ADGRF5: variants seen among roughly 807,000 people sequenced by gnomAD.
ADGRF5 encodes adhesion G protein-coupled receptor F5, also known as G-protein coupled receptor 116.
A neutral mutation model predicts 132.3 loss-of-function variants in ADGRF5; 75 were observed. The observed-to-expected ratio is 0.57, with a 90% confidence interval of 0.47 to 0.69. ADGRF5 has a LOEUF of 0.69. Among genes scored for constraint, ADGRF5 ranks in the 30% least tolerant of loss-of-function variants. The pLI is 0.00. For missense variants in ADGRF5, 1,516 were observed against 1,630.6 expected (o/e 0.93, Z 1.21); for synonymous variants, 629 against 597.6 (o/e 1.05, Z -0.77).
At chr6:46,883,172 C>T (rs1000470671) in intron 6 of ADGRF5, among the ~76,000 whole-genome samples, 1 of 152,168 alleles carries the variant, frequency 6.6e-6, no homozygotes, top group Non-Finnish European at 1.5e-5. Context: ...TTGAGACCCT[C>T]TGTGCTCAGC....
intron 4 of ADGRF5, among the ~76,000 whole-genome samples, chr6:46,887,338 T>G (rs926805750): frequency 6.6e-6 from 1 of 152,186 alleles, no homozygotes; most frequent in Non-Finnish European, 1.5e-5. Context: ...TCTTATGTAT[T>G]TTCCAAAGTA....
intron 3 of ADGRF5, among the ~76,000 whole-genome samples, chr6:46,894,967 A>T (rs1774018801): frequency 6.6e-6 from 1 of 152,214 alleles, no homozygotes. Flanking sequence ...TCATGAGGTC[A>T]GGAGATGGAG....
chr6:46,858,233 G>A lies in ADGRF5; in HGVS notation c.3670C>T (p.Leu1224Phe). The A allele has an allele frequency of 1.2e-6, 2 of 1,614,066 alleles. No individual in the cohort carries two copies. The highest frequency in any genetic ancestry group is 1.7e-6 in the Non-Finnish European group (2 of 1,179,984). The change falls in exon 17 of 21, where the codon CTC (leucine) becomes TTC (phenylalanine). Residue 1224 changes from leucine to phenylalanine, a missense_variant. This residue lies in a region of ADGRF5 where 571 missense variants were observed against 701.2 expected (regional missense o/e 0.81). Transcript: ENST00000283296. ...CAAGTGAGGCCCAAGAGTGGTGTGAGGACCCCAATGCTCTTGCTGATCTGA... is the reference window on the plus strand; with the variant it reads ...CAAGTGAGGCCCAAGAGTGGTGTGAAGACCCCAATGCTCTTGCTGATCTGA... Reference protein sequence around the residue: ...LFQISKSIGVLTPLLGLTWGF... With the variant: ...LFQISKSIGVFTPLLGLTWGF...
chr6:46,909,253 G>A (rs1775693657), intron 1 of ADGRF5, among the ~76,000 whole-genome samples: 1 of 152,156 alleles, frequency 6.6e-6, no homozygotes, highest in Admixed American at 6.5e-5. Context: ...AAAATTCCTG[G>A]AGTAAACGGC....
At chr6:46,883,057 G>A (rs917861098) in intron 6 of ADGRF5, among the ~76,000 whole-genome samples, 1 of 152,206 alleles carries the variant, frequency 6.6e-6, no homozygotes, top group African/African-American at 2.4e-5. Flanking sequence ...ACTCAAGACA[G>A]GGCTGACAAA....
rs1202820628 is a variant in ADGRF5, at chr6:46,937,247, TGTGTGA to T, written c.-25+17481_-25+17486del. Among the ~76,000 whole-genome samples, 10 of 151,904 alleles carry T rather than the reference TGTGTGA, an allele frequency of 6.6e-5. No homozygotes were observed. The South Asian group carries it at 1.7e-3, about 25-fold the overall frequency. ...GTGTGTGTGTGTGTGTGTGTGTGTG[TGTGTGA>T]GTGTGTGTGTGTTGATGGGGTGGCA... is the stretch of plus-strand genomic sequence containing the variant. On this transcript the variant is annotated intron_variant, in intron 1 of 20. Coordinates refer to the ADGRF5 transcript ENST00000265417.
At chr6:46,889,459 G>A (rs945780290) in intron 3 of ADGRF5, among the ~76,000 whole-genome samples, 20 of 145,364 alleles carry the variant, frequency 1.4e-4, no homozygotes, top group Non-Finnish European at 2.7e-4. Flanking sequence ...ATATACTAAA[G>A]TCTATATATA....
At chr6:46,872,083 T>A (rs2150813677) in intron 10 of ADGRF5, 70 bp from the exon 11 acceptor site, 1 of 1,105,518 alleles carries the variant, frequency 9.0e-7, no homozygotes, top group East Asian at 2.4e-5. Flanking sequence ...AGAGGTCAAA[T>A]CATTTTTTTT....
chr6:46,903,204 A>G (rs1774950149), intron 2 of ADGRF5, among the ~76,000 whole-genome samples: 1 of 152,044 alleles, frequency 6.6e-6, no homozygotes, highest in Non-Finnish European at 1.5e-5. Context: ...TGCTGGGTAG[A>G]TCTCACAAGG....
At chr6:46,869,196 A>G (rs201423021) in intron 11 of ADGRF5, 104 bp from the exon 12 acceptor site, 1 of 1,514,338 alleles carries the variant, frequency 6.6e-7, no homozygotes. Flanking sequence ...GAGGGACAGA[A>G]AAAAAAAATG....
Position 46,858,717 on chromosome 6 carries a change from C to G in ADGRF5, c.3186G>C (p.Leu1062=). 6.2e-7 allele frequency: 1 copy of G among 1,614,090 alleles called. No individual in the cohort carries two copies. The highest frequency in any genetic ancestry group is 8.5e-7 in the Non-Finnish European group (1 of 1,180,022). Residue 1062 remains leucine, a synonymous_variant, in exon 17 of 21, where the codon CTG becomes CTC. Coordinates refer to ENST00000283296, the MANE Select transcript of ADGRF5 (RefSeq NM_001098518.2). ...CCACAATGAACCAGGTGTTGGCGAC[C>G]AGAAGGGAGGCAGCGATATTCACTA... The part of the protein sequence containing the change: ...TCIVNIAASL[L]VANTWFIVVA...
chr6:46,865,689 C>T (rs968483964), intron 13 of ADGRF5, among the ~76,000 whole-genome samples: 3 of 152,230 alleles, frequency 2.0e-5, no homozygotes, highest in Non-Finnish European at 4.4e-5. Context: ...TGTTGAAATG[C>T]TGCATATGTC....
At chr6:46,862,702 G>GTTTTTTTTTT (rs1562148328) in intron 15 of ADGRF5, among the ~76,000 whole-genome samples, 186 bp downstream of exon 15, 5 of 34,378 alleles carry the variant, frequency 1.5e-4, no homozygotes, top group African/African-American at 3.2e-4. Flanking sequence ...TTGAATTGAG[G>GTTTTTTTTTT]CTTTTTTTTT....
At chr6:46,948,028 T>G (rs968402196) in intron 1 of ADGRF5, among the ~76,000 whole-genome samples, 11 of 152,118 alleles carry the variant, frequency 7.2e-5, no homozygotes, top group African/African-American at 2.7e-4. Flanking sequence ...GAGACCCACC[T>G]CTTCATCTTT....
intron 1 of ADGRF5, among the ~76,000 whole-genome samples, chr6:46,943,662 GA>G (rs914426292): frequency 1.3e-5 from 2 of 152,178 alleles, no homozygotes; most frequent in Non-Finnish European, 2.9e-5. Context: ...AGGAGGCTCA[GA>G]AAGGTTAAAC....
Position 46,883,639 on chromosome 6 carries a change from G to A in ADGRF5, c.532C>T (p.Leu178=). 1 of 1,598,428 alleles carries A rather than the reference G, an allele frequency of 6.3e-7. No homozygotes were observed. The highest frequency in any genetic ancestry group is 1.1e-5 in the South Asian group (1 of 89,046). The part of the protein sequence containing the change: ...EDVTLNMRVR[L]NVGFQEDLMN... ...AGGTCTTCTTGAAAGCCTACATTTA[G>A]TCTGACTCTCATGTTCAGGGTAACA... The change falls in exon 6 of 21, where the codon CTA becomes TTA. Residue 178 remains leucine (L), a synonymous_variant. Transcript: ENST00000283296.
intron 1 of ADGRF5, among the ~76,000 whole-genome samples, chr6:46,953,890 G>C (rs1335482512): frequency 6.6e-6 from 1 of 151,816 alleles, no homozygotes; most frequent in Non-Finnish European, 1.5e-5. Flanking sequence ...CATGAAGTCT[G>C]TATAAATTAT....
chr6:46,899,670 T>TC (rs1774542741), intron 3 of ADGRF5, among the ~76,000 whole-genome samples: 1 of 149,168 alleles, frequency 6.7e-6, no homozygotes, highest in Admixed American at 6.7e-5. Flanking sequence ...TTTTTTTTGT[T>TC]TGTTTTGTTT....
chr6:46,940,013 T>C (rs9463265), intron 1 of ADGRF5, among the ~76,000 whole-genome samples: 20,090 of 152,200 alleles, frequency 0.13, 1,512 homozygotes, highest in Admixed American at 0.21. Flanking sequence ...TATGTGGATT[T>C]TTTTTTTCAA....
Sources: allele counts gnomAD v4.1 joint callset (sites outside exome capture counted in the v4.1 genomes callset), GRCh38; gene constraint gnomAD v4.1.1; regional missense constraint gnomAD v4.1.1; transcripts MANE v1.5; gene names NCBI Gene and HGNC (gene_info 2026-07-23, HGNC 2026-07-21).